Variants in CADPS observed in about 807,000 individuals in gnomAD.
The protein encoded by CADPS is calcium-dependent secretion activator 1.
CADPS carries 57 observed loss-of-function variants against 167.3 expected under a neutral mutation model. The observed-to-expected ratio is 0.34, with a 90% CI of 0.28 to 0.42. The LOEUF (loss-of-function observed/expected upper bound fraction) is 0.42. Among genes scored for constraint, CADPS ranks in the 20% least tolerant of loss-of-function variants. CADPS has a pLI of 1.00. For missense variants in CADPS, 1,414 were observed against 1,738.1 expected, an observed-to-expected ratio of 0.81 and a Z score of 3.32; for synonymous variants, 676 against 635.3, an observed-to-expected ratio of 1.06 and a Z score of -0.96.
At chr3:62,503,739 G>T (rs916245053) in intron 17 of CADPS, among the ~76,000 whole-genome samples, 1 of 152,146 alleles carries the variant, frequency 6.6e-6, no homozygotes, top group South Asian at 2.1e-4. Flanking sequence ...CCAAATGTTA[G>T]AATACTGTAA....
intron 3 of CADPS, among the ~76,000 whole-genome samples, chr3:62,697,380 A>G (rs1271056958): frequency 6.6e-6 from 1 of 151,958 alleles, no homozygotes; most frequent in Non-Finnish European, 1.5e-5. Flanking sequence ...TTCCATTCCT[A>G]AGTTACTTCA....
At chr3:62,668,747 C>G (rs1270026621) in intron 3 of CADPS, among the ~76,000 whole-genome samples, 1 of 152,144 alleles carries the variant, frequency 6.6e-6, no homozygotes, top group Non-Finnish European at 1.5e-5. Context: ...CTGGCACCTA[C>G]TTACGTAGGT....
At chr3:62,487,469 G>C (rs771527782) in intron 21 of CADPS, among the ~76,000 whole-genome samples, 15 of 152,184 alleles carry the variant, frequency 9.9e-5, no homozygotes, top group Non-Finnish European at 1.6e-4. Flanking sequence ...CCATGAGAGG[G>C]CCATGGGCTC....
chr3:62,537,943 G>C (rs747576974), intron 11 of CADPS, among the ~76,000 whole-genome samples: 36 of 152,124 alleles, frequency 2.4e-4, no homozygotes, highest in Admixed American at 2.3e-3. Context: ...AGCAGCAAGT[G>C]GTCCTTGTTT....
intron 1 of CADPS, among the ~76,000 whole-genome samples, chr3:62,771,990 C>T (rs1005561091): frequency 1.3e-5 from 2 of 152,136 alleles, no homozygotes; most frequent in Admixed American, 6.5e-5. Context: ...GGTCAAGTAA[C>T]TGGTTTTGGG....
At chr3:62,586,449 A>G (rs994625162) in intron 7 of CADPS, among the ~76,000 whole-genome samples, 1 of 152,010 alleles carries the variant, frequency 6.6e-6, no homozygotes, top group Non-Finnish European at 1.5e-5. Context: ...GCAGACACAT[A>G]TGGCTCCCTG....
chr3:62,507,030 A>G (rs1225549658), intron 17 of CADPS, among the ~76,000 whole-genome samples: 1 of 152,210 alleles, frequency 6.6e-6, no homozygotes, highest in Non-Finnish European at 1.5e-5. Context: ...TACATGAACC[A>G]AAAAATTCTC....
At chr3:62,867,317 T>C (rs1415450555) in intron 1 of CADPS, among the ~76,000 whole-genome samples, 1 of 152,002 alleles carries the variant, frequency 6.6e-6, no homozygotes, top group African/African-American at 2.4e-5. Flanking sequence ...ATTTACCAAT[T>C]GAGTGACCCA....
At chr3:62,868,270 T>C (rs2093320978) in intron 1 of CADPS, among the ~76,000 whole-genome samples, 1 of 152,104 alleles carries the variant, frequency 6.6e-6, no homozygotes, top group Non-Finnish European at 1.5e-5. Flanking sequence ...AGATCAGTGA[T>C]ACTTGTTAAG....
At chr3:62,872,541 T>C (rs2082818228) in intron 1 of CADPS, among the ~76,000 whole-genome samples, 1 of 152,216 alleles carries the variant, frequency 6.6e-6, no homozygotes, top group African/African-American at 2.4e-5. Context: ...GTCAGTGTTA[T>C]CAATCTGTCC....
chr3:62,700,776 C>G (rs7635338), intron 3 of CADPS, among the ~76,000 whole-genome samples: 72,105 of 151,992 alleles, frequency 0.47, 18,142 homozygotes, highest in East Asian at 0.86. Flanking sequence ...TAACTGAACT[C>G]AAGGCTGCAC....
intron 1 of CADPS, among the ~76,000 whole-genome samples, chr3:62,805,419 C>T (rs2094030849): frequency 6.6e-6 from 1 of 152,146 alleles, no homozygotes; most frequent in African/African-American, 2.4e-5. Flanking sequence ...CATTAGGAAG[C>T]ACTAAGGGAT....
At chr3:62,748,730 CAG>C (rs1454619719) in intron 3 of CADPS, among the ~76,000 whole-genome samples, 1 of 152,046 alleles carries the variant, frequency 6.6e-6, no homozygotes. Flanking sequence ...TTTTTTGAGA[CAG>C]AGTCTCACTC....
chr3:62,516,528 A>T, intron 15 of CADPS, 52 bp downstream of exon 15: 2 of 1,340,584 alleles, frequency 1.5e-6, no homozygotes, highest in East Asian at 4.7e-5. Flanking sequence ...CATTACAATT[A>T]TGCTTATGTC....
chr3:62,532,873 G>A lies in CADPS; in HGVS notation c.2289C>T (p.Asn763=). The change falls in exon 13 of 30, where the codon AAC becomes AAT. Residue 763 remains asparagine, a splice_region_variant and synonymous_variant. Coordinates refer to ENST00000383710, the MANE Select transcript of CADPS (RefSeq NM_003716.4). ...FAFCASHVHG[N]RPDGIGTVTV... is the part of the protein sequence containing the mutation. ...TAGACACACGAACACACACTTACCT[G>A]TTCCCATGGACATGGGATGCACAGA... 1 of 1,612,944 alleles carries A rather than the reference G, an allele frequency of 6.2e-7. No individual in the cohort carries two copies. Among genetic ancestry groups the A allele is most frequent in the Non-Finnish European group, 8.5e-7 (1 of 1,179,230 alleles).
intron 1 of CADPS, among the ~76,000 whole-genome samples, chr3:62,851,209 G>T (rs2078510584): frequency 7.1e-6 from 1 of 141,730 alleles, no homozygotes; most frequent in Admixed American, 7.3e-5. Context: ...GCACATTGAT[G>T]GGTCTTGACT....
chr3:62,486,940 G>A (rs1174319868), intron 21 of CADPS, among the ~76,000 whole-genome samples: 1 of 152,350 alleles, frequency 6.6e-6, no homozygotes, highest in East Asian at 1.9e-4. Flanking sequence ...TAACATCTGG[G>A]TCATCAGGTC....
At chr3:62,774,198 G>A (rs2089690514) in intron 1 of CADPS, among the ~76,000 whole-genome samples, 2 of 151,988 alleles carry the variant, frequency 1.3e-5, no homozygotes, top group Non-Finnish European at 2.9e-5. Flanking sequence ...AGAAGGAGAA[G>A]GAGGTCTACT....
intron 3 of CADPS, among the ~76,000 whole-genome samples, chr3:62,707,254 A>G (rs2082483070): frequency 6.6e-6 from 1 of 152,074 alleles, no homozygotes. Context: ...TCTCCATTGT[A>G]TGCTCCTTAT....
Sources: gnomAD v4.1 joint callset for allele counts (sites outside exome capture counted in the v4.1 genomes callset) on GRCh38, gnomAD v4.1.1 for gene constraint, MANE v1.5 for transcripts, NCBI Gene and HGNC (gene_info 2026-07-23, HGNC 2026-07-21) for gene names.